Variants in C1QTNF7 observed in about 807,000 individuals in gnomAD.
C1QTNF7 encodes C1q and TNF related 7.
In C1QTNF7, 15 loss-of-function variants were observed where a neutral mutation model predicts 19.6. The ratio of observed to expected loss-of-function variants is 0.76; its 90% CI spans 0.51 to 1.18. The LOEUF (loss-of-function observed/expected upper bound fraction) is 1.18, where lower values mean the gene tolerates loss of function less well. Ranked by LOEUF, C1QTNF7 falls within the 50% of genes most tolerant of loss-of-function variation. The pLI, the probability that C1QTNF7 is intolerant of heterozygous loss-of-function variation, is 0.00. For synonymous variants in C1QTNF7, 142 were observed against 137.5 expected, an observed-to-expected ratio of 1.03 and a Z score of -0.23; for missense variants, 324 against 359.7, an observed-to-expected ratio of 0.90 and a Z score of 0.80.
At position 15,416,352 on chromosome 4, in the gene C1QTNF7, T is replaced by C. The variant is rs182540115; in HGVS notation, c.14-19384T>C. Among the ~76,000 whole-genome samples the C allele has an allele frequency of 3.3e-5, 5 of 152,372 alleles. No homozygotes were observed. The East Asian group carries it at 9.6e-4, about 29-fold the overall frequency. The stretch of plus-strand genomic sequence containing the variant: ...CTACCATGAACATAGGCTCTGGCAC[T>C]GGGCAGACAGGGTTGGAATACCAGC... On this transcript the variant is annotated intron_variant, in intron 1 of 2. Coordinates refer to the C1QTNF7 transcript ENST00000295297.
intron 1 of C1QTNF7, among the ~76,000 whole-genome samples, chr4:15,388,567 G>A (rs1452388952): frequency 1.3e-5 from 2 of 152,302 alleles, no homozygotes; most frequent in South Asian, 2.1e-4. Context: ...TAGAAATGGT[G>A]GCAGGACAGT....
chr4:15,371,737 G>A (rs1474393057), intron 1 of C1QTNF7, among the ~76,000 whole-genome samples: 2 of 152,168 alleles, frequency 1.3e-5, no homozygotes, highest in Non-Finnish European at 2.9e-5. Context: ...TGTGAGTTCA[G>A]TTTGAACTAA....
chr4:15,440,836 T>C (rs925656683), intron 2 of C1QTNF7, among the ~76,000 whole-genome samples: 2 of 152,166 alleles, frequency 1.3e-5, no homozygotes, highest in African/African-American at 4.8e-5. Context: ...CCAGATGCGC[T>C]TTCGAATTTA....
At chr4:15,436,867 C>T (rs993998358) in intron 2 of C1QTNF7, among the ~76,000 whole-genome samples, 2 of 152,166 alleles carry the variant, frequency 1.3e-5, no homozygotes, top group African/African-American at 4.8e-5. Flanking sequence ...AATCATCACA[C>T]CTGATTTACT....
chr4:15,407,776 T>A (rs1156694135), intron 1 of C1QTNF7, among the ~76,000 whole-genome samples: 1 of 152,066 alleles, frequency 6.6e-6, no homozygotes, highest in East Asian at 1.9e-4. Flanking sequence ...TATATATACA[T>A]GTTAGCCGGG....
chr4:15,389,638 CA>C (rs774646305), intron 1 of C1QTNF7, among the ~76,000 whole-genome samples: 59 of 152,080 alleles, frequency 3.9e-4, no homozygotes, highest in Non-Finnish European at 6.9e-4. Flanking sequence ...AGGCTGGTCT[CA>C]AACTCCTGAC....
At chr4:15,348,991 ACC>A (rs1249363517) in intron 1 of C1QTNF7, among the ~76,000 whole-genome samples, 1 of 152,040 alleles carries the variant, frequency 6.6e-6, no homozygotes, top group East Asian at 1.9e-4. Context: ...TCCTCCCAAC[ACC>A]CCTAGAAGGT....
chr4:15,412,452 C>T (rs1719436826), intron 1 of C1QTNF7, among the ~76,000 whole-genome samples: 1 of 152,008 alleles, frequency 6.6e-6, no homozygotes, highest in Admixed American at 6.6e-5. Flanking sequence ...TCTTCAAAAC[C>T]ATCAGTGTAG....
intron 1 of C1QTNF7, among the ~76,000 whole-genome samples, chr4:15,401,703 A>G (rs776361511): frequency 2.0e-5 from 3 of 152,222 alleles, no homozygotes; most frequent in Non-Finnish European, 2.9e-5. Flanking sequence ...CGAAATAGAA[A>G]TGATCAGAAA....
intron 1 of C1QTNF7, among the ~76,000 whole-genome samples, chr4:15,402,585 G>T (rs1356230204): frequency 2.6e-5 from 4 of 152,150 alleles, no homozygotes; most frequent in Non-Finnish European, 5.9e-5. Flanking sequence ...GGGAGGCTAG[G>T]GGTGGAAGGG....
intron 1 of C1QTNF7, among the ~76,000 whole-genome samples, chr4:15,421,906 T>C (rs183425010): frequency 5.3e-5 from 8 of 152,232 alleles, no homozygotes; most frequent in Non-Finnish European, 1.2e-4. Context: ...TCAAAAACAT[T>C]ATGTTAAGTG....
intron 1 of C1QTNF7, among the ~76,000 whole-genome samples, chr4:15,364,233 CATAA>C (rs1329166729): frequency 3.9e-5 from 6 of 152,178 alleles, no homozygotes; most frequent in Admixed American, 3.9e-4. Context: ...TCAGCTAAAA[CATAA>C]ATAGTCTTTG....
chr4:15,366,912 G>T (rs1384451073), intron 1 of C1QTNF7, among the ~76,000 whole-genome samples: 1 of 152,166 alleles, frequency 6.6e-6, no homozygotes, highest in African/African-American at 2.4e-5. Flanking sequence ...GAAAAATTGG[G>T]GGGAAAAGAT....
intron 1 of C1QTNF7, among the ~76,000 whole-genome samples, chr4:15,433,207 G>A (rs569492836): frequency 1.3e-5 from 2 of 152,132 alleles, no homozygotes; most frequent in Non-Finnish European, 2.9e-5. Flanking sequence ...TGGTAGAGAT[G>A]GGGTCTTGCT....
intron 1 of C1QTNF7, chr4:15,374,761 G>C (rs1717864690): frequency 4.1e-6 from 4 of 983,980 alleles, no homozygotes; most frequent in African/African-American, 1.8e-5. Flanking sequence ...GGAAGGTCTT[G>C]TGAGCAATGT....
intron 1 of C1QTNF7, among the ~76,000 whole-genome samples, chr4:15,398,163 T>C (rs1484648629): frequency 6.6e-6 from 1 of 152,218 alleles, no homozygotes; most frequent in Non-Finnish European, 1.5e-5. Context: ...AGCAATGTAA[T>C]CATGACTGAA....
intron 1 of C1QTNF7, among the ~76,000 whole-genome samples, chr4:15,356,129 C>A (rs1336222853): frequency 6.6e-6 from 1 of 151,810 alleles, no homozygotes; most frequent in East Asian, 1.9e-4. Context: ...ATTTTAAGTT[C>A]TAGGATACAT....
At chr4:15,382,494 C>A (rs1263728436) in intron 1 of C1QTNF7, among the ~76,000 whole-genome samples, 1 of 152,106 alleles carries the variant, frequency 6.6e-6, no homozygotes, top group Non-Finnish European at 1.5e-5. Context: ...TACCATTTAA[C>A]CTTATTCTCT....
At chr4:15,373,442 A>G (rs1717805899) in intron 1 of C1QTNF7, among the ~76,000 whole-genome samples, 1 of 152,228 alleles carries the variant, frequency 6.6e-6, no homozygotes, top group Non-Finnish European at 1.5e-5. Context: ...TATTCAAACC[A>G]TGGCAACTAC....
Sources: gnomAD v4.1 joint callset for allele counts (sites outside exome capture counted in the v4.1 genomes callset) on GRCh38, gnomAD v4.1.1 for gene constraint, MANE v1.5 for transcripts, NCBI Gene and HGNC (gene_info 2026-07-23, HGNC 2026-07-21) for gene names.